VPS13B: variants seen among roughly 807,000 people sequenced by gnomAD.
VPS13B encodes the protein vacuolar protein sorting 13 homolog B, also known as intermembrane lipid transfer protein VPS13B.
Under a neutral mutation model 426.4 loss-of-function variants are expected in VPS13B, and 285 were observed. The ratio of observed to expected loss-of-function variants is 0.67; its 90% confidence interval spans 0.61 to 0.74. The LOEUF (loss-of-function observed/expected upper bound fraction) is 0.74. VPS13B is among the 30% of genes least tolerant of loss of function. VPS13B has a pLI of 0.00. For synonymous variants in VPS13B, 1,676 were observed against 1,676.4 expected (o/e 1.00, Z 0.01); for missense variants, 4,537 against 4,782.6 (o/e 0.95, Z 1.51).
intron 17 of VPS13B, among the ~76,000 whole-genome samples, chr8:99,243,981 G>T (rs1056919662): frequency 3.7e-4 from 56 of 152,346 alleles, no homozygotes; most frequent in Middle Eastern, 3.4e-3. Context: ...GCAGCTTGGT[G>T]GCTGTCAGAC....
intron 22 of VPS13B, among the ~76,000 whole-genome samples, chr8:99,439,617 A>G (rs1817581459): frequency 6.6e-6 from 1 of 152,172 alleles, no homozygotes; most frequent in Non-Finnish European, 1.5e-5. Context: ...AATTATCACT[A>G]CATTTTCAAG....
chr8:99,796,533 T>C (rs1335487442), intron 43 of VPS13B: 2 of 152,184 alleles, frequency 1.3e-5, no homozygotes, highest in Admixed American at 6.5e-5. Context: ...AGAATTCATA[T>C]CACGAGTGGA....
intron 31 of VPS13B, among the ~76,000 whole-genome samples, chr8:99,560,448 A>G (rs1391396817): frequency 1.3e-5 from 2 of 152,134 alleles, no homozygotes; most frequent in Non-Finnish European, 2.9e-5. Flanking sequence ...TATTCTAATT[A>G]CTTATATAAC....
At chr8:99,368,934 T>A (rs1008495808) in intron 19 of VPS13B, among the ~76,000 whole-genome samples, 17 of 152,352 alleles carry the variant, frequency 1.1e-4, no homozygotes, top group African/African-American at 3.8e-4. Context: ...CGTATCATAC[T>A]TTTCCTTATT....
chr8:99,762,069 C>T (rs779367157), intron 39 of VPS13B, among the ~76,000 whole-genome samples: 5 of 151,784 alleles, frequency 3.3e-5, no homozygotes, highest in Middle Eastern at 3.4e-3. Flanking sequence ...ATCTGTTGTC[C>T]GGGCTGGGTG....
At position 99,053,923 on chromosome 8, in the gene VPS13B, C is replaced by G. The variant is rs1244533183; in HGVS notation, c.291+15357C>G. Reference sequence around the variant, plus strand: ...TTCACCCTGTTGGCCAGGCTGATCTCAAACTCCTGGCCTCAGGTGATCCTC... The same window carrying G: ...TTCACCCTGTTGGCCAGGCTGATCTGAAACTCCTGGCCTCAGGTGATCCTC... On this transcript the variant is annotated intron_variant, in intron 3 of 61. Coordinates refer to ENST00000357162, the MANE Select transcript of VPS13B (RefSeq NM_152564.5). Among the ~76,000 whole-genome samples, 4 of 152,310 alleles carry G rather than the reference C, an allele frequency of 2.6e-5. No homozygotes were observed. The East Asian group carries it at 7.7e-4, about 29-fold the overall frequency.
intron 41 of VPS13B, among the ~76,000 whole-genome samples, chr8:99,778,462 T>C (rs1044042549): frequency 4.6e-5 from 7 of 152,172 alleles, no homozygotes; most frequent in Non-Finnish European, 1.0e-4. Flanking sequence ...TTGGACAATA[T>C]ATATTTAAGA....
rs140585478 is a variant in VPS13B at position 99,150,047 on chromosome 8, G to A, written c.2013+2037G>A. ...AAATAAAAAGTGTCCTAACTTTAAA[G>A]AAGTTATGTAAGGGAATTAACTATA... is the stretch of plus-strand genomic sequence containing the variant. On this transcript the variant is annotated intron_variant, in intron 14 of 61. Transcript: ENST00000357162. Among the ~76,000 whole-genome samples the A allele has an allele frequency of 2.1e-4, 32 of 152,292 alleles. No homozygotes were observed. In the East Asian group the frequency reaches 6.2e-3, roughly 29 times the overall value.
chr8:99,781,673 C>A (rs946535465), intron 42 of VPS13B, among the ~76,000 whole-genome samples: 1 of 152,020 alleles, frequency 6.6e-6, no homozygotes, highest in African/African-American at 2.4e-5. Context: ...TACATTTTTT[C>A]CTAAAACCCT....
chr8:99,843,559 G>T (rs1296723624), intron 54 of VPS13B, among the ~76,000 whole-genome samples: 2 of 152,162 alleles, frequency 1.3e-5, no homozygotes, highest in African/African-American at 2.4e-5. Context: ...TGTTTTATAG[G>T]ACAGGGTAAC....
intron 33 of VPS13B, among the ~76,000 whole-genome samples, chr8:99,612,003 A>G (rs1041851711): frequency 6.6e-6 from 1 of 152,140 alleles, no homozygotes; most frequent in Non-Finnish European, 1.5e-5. Flanking sequence ...AAATATAGGT[A>G]CTATTCTTAT....
chr8:99,530,046 C>T (rs1822848384), intron 30 of VPS13B, among the ~76,000 whole-genome samples: 1 of 152,174 alleles, frequency 6.6e-6, no homozygotes, highest in Non-Finnish European at 1.5e-5. Flanking sequence ...TAACAGCTAA[C>T]TTCCAGTTTA....
intron 17 of VPS13B, among the ~76,000 whole-genome samples, chr8:99,222,962 G>A (rs1442254231): frequency 1.3e-5 from 2 of 152,054 alleles, no homozygotes; most frequent in Non-Finnish European, 2.9e-5. Flanking sequence ...TCAGCCTCCT[G>A]AGTAGCTGGG....
At chr8:99,465,151 A>G (rs967520674) in intron 23 of VPS13B, among the ~76,000 whole-genome samples, 1 of 152,142 alleles carries the variant, frequency 6.6e-6, no homozygotes, top group Non-Finnish European at 1.5e-5. Context: ...CCAGTCATGG[A>G]TGTCTGAACA....
chr8:99,387,262 G>A (rs988962295), intron 20 of VPS13B, among the ~76,000 whole-genome samples: 1 of 151,842 alleles, frequency 6.6e-6, no homozygotes, highest in African/African-American at 2.4e-5. Context: ...CTGTTGCCCA[G>A]GCTGAAGTGC....
intron 33 of VPS13B, among the ~76,000 whole-genome samples, chr8:99,640,028 G>T (rs866599546): frequency 0.013 from 1,202 of 94,950 alleles, 27 homozygotes; most frequent in Non-Finnish European, 0.015. Context: ...ATAATAATAA[G>T]AAGAAGAAGA....
intron 33 of VPS13B, among the ~76,000 whole-genome samples, chr8:99,599,569 C>T (rs1827187638): frequency 6.6e-6 from 1 of 151,986 alleles, no homozygotes; most frequent in African/African-American, 2.4e-5. Flanking sequence ...TTGTACTTTT[C>T]TAACAAGCAA....
At chr8:99,025,489 G>A (rs993994178) in intron 2 of VPS13B, among the ~76,000 whole-genome samples, 56 of 152,178 alleles carry the variant, frequency 3.7e-4, no homozygotes, top group African/African-American at 1.3e-3. Context: ...TGAGGATTTT[G>A]CATCTATGTT....
At chr8:99,315,963 G>A (rs1206200544) in intron 19 of VPS13B, among the ~76,000 whole-genome samples, 1 of 152,144 alleles carries the variant, frequency 6.6e-6, no homozygotes, top group Non-Finnish European at 1.5e-5. Context: ...GTTTGCATAG[G>A]GGAAGGCTTT....
Sources: allele counts gnomAD v4.1 joint callset (sites outside exome capture counted in the v4.1 genomes callset), GRCh38; gene constraint gnomAD v4.1.1; transcripts MANE v1.5; gene names NCBI Gene and HGNC (gene_info 2026-07-23, HGNC 2026-07-21).